Variants in ELFN2 observed in about 807,000 individuals in gnomAD.
ELFN2 encodes extracellular leucine rich repeat and fibronectin type III domain containing 2.
A neutral mutation model predicts 45.5 loss-of-function variants in ELFN2; 17 were observed. The observed-to-expected ratio is 0.37, with a 90% CI of 0.26 to 0.56. The LOEUF (loss-of-function observed/expected upper bound fraction) is 0.56. Ranked by LOEUF, ELFN2 falls within the 20% of genes least tolerant of loss-of-function variation. ELFN2 has a pLI of 0.77. For synonymous variants in ELFN2, 550 were observed against 551.5 expected (o/e 1.00, Z 0.04); for missense variants, 922 against 1,183.2 (o/e 0.78, Z 3.24).
chr22:37,363,552 G>A (rs1470888545), downstream of ELFN2, among the ~76,000 whole-genome samples: 1 of 152,086 alleles, frequency 6.6e-6, no homozygotes, highest in East Asian at 1.9e-4. Flanking sequence ...CAGAGAGAGG[G>A]GGATTTGGGG....
intron 1 of ELFN2, among the ~76,000 whole-genome samples, chr22:37,361,957 C>T (rs189943593): frequency 2.6e-5 from 4 of 152,328 alleles, no homozygotes; most frequent in East Asian, 3.9e-4. Flanking sequence ...TGCCACCCCA[C>T]GCATTCAAGC....
At chr22:37,407,850 G>T (rs5756673) in intron 2 of ELFN2, among the ~76,000 whole-genome samples, 43,156 of 151,288 alleles carry the variant, frequency 0.29, 6,797 homozygotes, top group Non-Finnish European at 0.35. Flanking sequence ...AGCCGAGATC[G>T]CGCCACTACA....
intron 2 of ELFN2, among the ~76,000 whole-genome samples, chr22:37,412,983 T>C (rs1169327554): frequency 6.6e-6 from 1 of 152,152 alleles, no homozygotes; most frequent in Non-Finnish European, 1.5e-5. Context: ...CCTCTGAGCA[T>C]AGGTCCAAAT....
At chr22:37,379,988 G>T (rs970291744) in intron 2 of ELFN2, among the ~76,000 whole-genome samples, 3 of 152,192 alleles carry the variant, frequency 2.0e-5, no homozygotes, top group African/African-American at 7.2e-5. Flanking sequence ...AGCCGCTGTT[G>T]TTAATGGGGG....
Position 37,374,947 on chromosome 22 carries a change from G to A in ELFN2, c.588C>T (p.Phe196=). 6.2e-7 allele frequency: 1 copy of A among 1,613,160 alleles called. No homozygotes were observed. The highest frequency in any genetic ancestry group is 8.5e-7 in the Non-Finnish European group (1 of 1,180,018). Reference sequence around the variant, plus strand: ...TGTTGAAGACCACCAGCCAGGCCAGGAAGCCGAAGAGGTCGCACTCACAGT... The same window carrying A: ...TGTTGAAGACCACCAGCCAGGCCAGAAAGCCGAAGAGGTCGCACTCACAGT... ...PFNCECDLFG[F]LAWLVVFNNV... Residue 196 remains phenylalanine, a synonymous_variant, in exon 3 of 3, where the codon TTC becomes TTT. Coordinates refer to ENST00000402918, the MANE Select transcript of ELFN2 (RefSeq NM_052906.5).
chr22:37,387,557 TG>T (rs1931981773), intron 2 of ELFN2, among the ~76,000 whole-genome samples: 1 of 152,152 alleles, frequency 6.6e-6, no homozygotes, highest in African/African-American at 2.4e-5. Flanking sequence ...CTGACCCTCC[TG>T]GGCACCTCGT....
intron 1 of ELFN2, among the ~76,000 whole-genome samples, chr22:37,349,132 G>A (rs950339860): frequency 8.6e-5 from 13 of 151,286 alleles, no homozygotes; most frequent in African/African-American, 1.9e-4. Context: ...CGCTCCCCAC[G>A]GCAATGTGAT....
Position 37,349,656 on chromosome 22 carries a change from G to A in ELFN2, n.149-6953C>T, listed in dbSNP as rs551573799. On this transcript the variant is annotated intron_variant and non_coding_transcript_variant, in intron 1 of 2. Transcript: ENST00000452946. ...AGGCACTGGGTGGTGGGGTGGGGGTGCAGGTGGGGCCTTGCAGGGCACACT... is the reference window on the plus strand; with the variant it reads ...AGGCACTGGGTGGTGGGGTGGGGGTACAGGTGGGGCCTTGCAGGGCACACT... Among the ~76,000 whole-genome samples, 13 of 151,108 alleles carry A rather than the reference G, an allele frequency of 8.6e-5. 2 individuals are homozygous for A. Among genetic ancestry groups the A allele is most frequent in the Non-Finnish European group, 1.3e-4 (9 of 67,298 alleles).
Position 37,405,089 on chromosome 22 carries a change from C to CTTTTTTTTTTTTTTTTTTTTTTTTTT in ELFN2, c.-463+12679_-463+12680insAAAAAAAAAAAAAAAAAAAAAAAAAA, listed in dbSNP as rs1491573989. Among the ~76,000 whole-genome samples the CTTTTTTTTTTTTTTTTTTTTTTTTTT allele has an allele frequency of 2.5e-5, 3 of 121,534 alleles. 1 individual carries two copies. Among genetic ancestry groups the CTTTTTTTTTTTTTTTTTTTTTTTTTT allele is most frequent in the Non-Finnish European group, 3.3e-5 (2 of 61,044 alleles). 79.7% of individuals were successfully genotyped at this position (121,534 alleles called of 152,430 possible). A position where few individuals can be genotyped will look rare whatever the true frequency, so the allele number is the denominator to read the frequency against. ...GGCCCCTCACCTCCCTGAACCTCAG[C>CTTTTTTTTTTTTTTTTTTTTTTTTTT]ATTTTTTTTTTTTTTTTTTTTTTGA... On this transcript the variant is annotated intron_variant, in intron 2 of 2. Transcript: ENST00000402918.
chr22:37,425,493 C>T (rs1601776222), intron 1 of ELFN2, among the ~76,000 whole-genome samples: 2 of 152,270 alleles, frequency 1.3e-5, no homozygotes, highest in African/African-American at 4.8e-5. Context: ...CCACACTCGG[C>T]CACACACACT....
chr22:37,407,693 T>C (rs1485980527), intron 2 of ELFN2, among the ~76,000 whole-genome samples: 4 of 151,534 alleles, frequency 2.6e-5, no homozygotes, highest in Non-Finnish European at 1.5e-5. Flanking sequence ...GTCAGGAGAT[T>C]GAGACCATCC....
Position 37,369,015 on chromosome 22 carries a change from G to C in ELFN2, c.*4057C>G, listed in dbSNP as rs570802195. 151 of 152,094 alleles carry C rather than the reference G, an allele frequency of 9.9e-4. No homozygotes were observed. Among genetic ancestry groups the C allele is most frequent in the African/African-American group, 3.3e-3 (137 of 41,448 alleles). The allele number at this position is 152,094 out of a possible 1,614,324, so 9.4% of individuals were successfully genotyped here. ...ATCACCCTATTTTAATTTTCTGCAA[G>C]GCGCCAGTCACTAGGGAGCATTGTG... On this transcript the variant is annotated 3_prime_UTR_variant, in exon 3 of 3. Transcript: ENST00000402918.
intron 1 of ELFN2, among the ~76,000 whole-genome samples, chr22:37,343,573 G>A (rs1234244815): frequency 3.9e-5 from 6 of 152,084 alleles, no homozygotes; most frequent in South Asian, 4.2e-4. Context: ...GCTGTGAGCC[G>A]AGCCTGTCTT....
chr22:37,341,549 C>T (rs1215004190), intron 2 of ELFN2, among the ~76,000 whole-genome samples: 3 of 152,208 alleles, frequency 2.0e-5, no homozygotes, highest in Non-Finnish European at 2.9e-5. Flanking sequence ...CCTCACTGGG[C>T]CATATTTCCA....
intron 1 of ELFN2, among the ~76,000 whole-genome samples, chr22:37,418,160 TAG>T (rs1338248380): frequency 1.4e-5 from 2 of 148,066 alleles, no homozygotes; most frequent in Non-Finnish European, 3.0e-5. Flanking sequence ...AAGACAGAGA[TAG>T]AGAGATGGGG....
intron 2 of ELFN2, among the ~76,000 whole-genome samples, chr22:37,382,753 C>T (rs578062386): frequency 1.3e-5 from 2 of 152,038 alleles, no homozygotes; most frequent in Admixed American, 1.3e-4. Context: ...GGTTTCACCA[C>T]GTTGCCCAGG....
chr22:37,375,454 A>G lies in ELFN2; in HGVS notation c.81T>C (p.Ile27=), dbSNP rs1447365864. Residue 27 remains isoleucine, a synonymous_variant, in exon 3 of 3, where the codon ATT becomes ATC. Transcript: ENST00000402918. ...PGAVRADCWL[I]EGDKGYVWLA... is the part of the protein sequence containing the mutation. ...GCCACACGTAGCCCTTGTCGCCCTC[A>G]ATGAGCCAGCAGTCGGCACGCACGG... 6.2e-7 allele frequency: 1 copy of G among 1,612,200 alleles called. No homozygotes were observed. The highest frequency in any genetic ancestry group is 1.3e-5 in the African/African-American group (1 of 74,868).
intron 2 of ELFN2, among the ~76,000 whole-genome samples, chr22:37,399,170 T>C (rs1255733945): frequency 1.3e-5 from 2 of 152,078 alleles, no homozygotes; most frequent in Non-Finnish European, 1.5e-5. Context: ...GCTCTTGGCC[T>C]TTCCCCTTGA....
rs143101195 is a variant in ELFN2, at chr22:37,375,328, G to A, written c.207C>T (p.Ala69=). The A allele has an allele frequency of 8.1e-6, 13 of 1,614,032 alleles. No homozygotes were observed. Among genetic ancestry groups the A allele is most frequent in the East Asian group, 2.2e-5 (1 of 44,896 alleles). The change falls in exon 3 of 3, where the codon GCC becomes GCT. Residue 69 remains alanine (A), a synonymous_variant. Transcript: ENST00000402918. The part of the protein sequence containing the change: ...DLRLNENKLK[A]VLYSSLNRFG... Reference sequence around the variant, plus strand: ...AGCGGTTGAGCGAGGAGTAGAGCACGGCTTTGAGCTTGTTCTCGTTGAGCC... The same window carrying A: ...AGCGGTTGAGCGAGGAGTAGAGCACAGCTTTGAGCTTGTTCTCGTTGAGCC...
Sources: gnomAD v4.1 joint callset for allele counts (sites outside exome capture counted in the v4.1 genomes callset) on GRCh38, gnomAD v4.1.1 for gene constraint, MANE v1.5 for transcripts, NCBI Gene and HGNC (gene_info 2026-07-23, HGNC 2026-07-21) for gene names.